ATP10A: variants seen among roughly 807,000 people sequenced by gnomAD.
ATP10A encodes the protein ATPase phospholipid transporting 10A (putative).
Under a neutral mutation model 147.8 loss-of-function variants are expected in ATP10A, and 111 were observed. That is an observed-to-expected ratio of 0.75 (90% CI 0.64 to 0.88). The LOEUF is 0.88. ATP10A is among the 40% of genes least tolerant of loss of function. The pLI is 0.00. For missense variants in ATP10A, 1,927 were observed against 1,959.0 expected, an observed-to-expected ratio of 0.98 and a Z score of 0.31; for synonymous variants, 875 against 841.6, an observed-to-expected ratio of 1.04 and a Z score of -0.69.
chr15:25,757,816 T>C (rs931938189), intron 2 of ATP10A, among the ~76,000 whole-genome samples: 2 of 149,220 alleles, frequency 1.3e-5, no homozygotes, highest in Admixed American at 6.7e-5. Context: ...CCTTTTTTGA[T>C]CACCTGCTCC....
chr15:25,714,154 A>C lies in ATP10A; in HGVS notation c.1864T>G (p.Cys622Gly), dbSNP rs767602604. 9 of 1,610,848 alleles carry C rather than the reference A, an allele frequency of 5.6e-6. No individual in the cohort carries two copies. The highest frequency in any genetic ancestry group is 7.6e-6 in the Non-Finnish European group (9 of 1,180,038). ...GCGGCCAGGCTCCCGATGCTGCTGC[A>C]GCCTGAGGTCAGGCAGCTGGGTGTG... ...RFTPSCLTSG[C>G]SSIGSLAANK... Residue 622 changes from cysteine to glycine, a missense_variant, in exon 10 of 21, where the codon TGC becomes GGC. Physicochemically the swap from Cys to Gly is radical, Grantham distance 159. Coordinates refer to ENST00000555815, the MANE Select transcript of ATP10A (RefSeq NM_024490.4).
At chr15:25,733,306 G>A (rs1220283362) in intron 3 of ATP10A, among the ~76,000 whole-genome samples, 2 of 152,128 alleles carry the variant, frequency 1.3e-5, no homozygotes, top group Non-Finnish European at 2.9e-5. Flanking sequence ...TCCCTGCCCT[G>A]GGCATCAGGA....
chr15:25,735,934 C>T, intron 3 of ATP10A, 122 bp downstream of exon 3: 1 of 919,158 alleles, frequency 1.1e-6, no homozygotes, highest in Non-Finnish European at 1.7e-6. Flanking sequence ...GCCACATTCC[C>T]AAACAGCTAC....
chr15:25,818,363 T>C lies in ATP10A; in HGVS notation c.450-37140A>G, dbSNP rs553361959. On this transcript the variant is annotated intron_variant, in intron 1 of 20. Transcript: ENST00000555815. ...CGAAAAATATATTATAAGCCAAATATACAAAAAAAGGTTAAAGAAAGGTAG... is the reference window on the plus strand; with the variant it reads ...CGAAAAATATATTATAAGCCAAATACACAAAAAAAGGTTAAAGAAAGGTAG... Among the ~76,000 whole-genome samples, 150 of 152,028 alleles carry C rather than the reference T, an allele frequency of 9.9e-4. 1 individual carries two copies. The highest frequency in any genetic ancestry group is 3.4e-3 in the Middle Eastern group (1 of 294).
intron 1 of ATP10A, among the ~76,000 whole-genome samples, chr15:25,825,043 A>C (rs979664338): frequency 3.9e-5 from 6 of 152,196 alleles, no homozygotes; most frequent in African/African-American, 1.4e-4. Flanking sequence ...AAACAAAACA[A>C]GAAACCAGCT....
intron 1 of ATP10A, among the ~76,000 whole-genome samples, chr15:25,835,926 G>A (rs1440933313): frequency 6.6e-6 from 1 of 152,114 alleles, no homozygotes; most frequent in African/African-American, 2.4e-5. Context: ...CCATTCTCCC[G>A]CCTCAGCCTC....
At chr15:25,776,670 A>C (rs575486532) in intron 2 of ATP10A, among the ~76,000 whole-genome samples, 2 of 152,286 alleles carry the variant, frequency 1.3e-5, no homozygotes, top group East Asian at 3.9e-4. Flanking sequence ...TGGGTGATTT[A>C]AGGTCCCGGA....
chr15:25,781,411 C>T (rs772776505), intron 1 of ATP10A, among the ~76,000 whole-genome samples, 188 bp from the exon 2 acceptor site: 28 of 152,096 alleles, frequency 1.8e-4, no homozygotes, highest in Non-Finnish European at 3.8e-4. Flanking sequence ...AATCCCAGCA[C>T]TTTGAGAGAC....
At chr15:25,766,341 G>T (rs1390623840) in intron 2 of ATP10A, among the ~76,000 whole-genome samples, 1 of 152,084 alleles carries the variant, frequency 6.6e-6, no homozygotes, top group Non-Finnish European at 1.5e-5. Flanking sequence ...GATGTTCTTG[G>T]ATTACAAGCT....
At chr15:25,707,478 C>A (rs1176447029) in intron 12 of ATP10A, among the ~76,000 whole-genome samples, 20 of 152,024 alleles carry the variant, frequency 1.3e-4, no homozygotes, top group African/African-American at 4.6e-4. Context: ...TAATAAATAC[C>A]TTCATTTATC....
At chr15:25,775,494 A>C (rs962005252) in intron 2 of ATP10A, among the ~76,000 whole-genome samples, 1 of 152,188 alleles carries the variant, frequency 6.6e-6, no homozygotes, top group Admixed American at 6.5e-5. Flanking sequence ...CTGACTGTGA[A>C]GGTACGTGTT....
downstream of ATP10A, among the ~76,000 whole-genome samples, chr15:25,675,521 C>T (rs1293209185): frequency 6.6e-6 from 1 of 152,026 alleles, no homozygotes; most frequent in African/African-American, 2.4e-5. Flanking sequence ...GTAACAGCAG[C>T]CACACCACTG....
intron 2 of ATP10A, among the ~76,000 whole-genome samples, chr15:25,751,039 C>T (rs1438117945): frequency 5.3e-5 from 8 of 151,946 alleles, no homozygotes. Flanking sequence ...AATTAAAAGG[C>T]AGACTCGTTT....
chr15:25,856,838 C>A (rs952142957), intron 1 of ATP10A, among the ~76,000 whole-genome samples: 2 of 152,094 alleles, frequency 1.3e-5, no homozygotes, highest in Admixed American at 6.6e-5. Context: ...ACCCTCCTAC[C>A]AATCCACAGG....
intron 2 of ATP10A, among the ~76,000 whole-genome samples, chr15:25,742,041 T>C (rs546174740): frequency 4.5e-4 from 69 of 152,356 alleles, no homozygotes; most frequent in African/African-American, 1.6e-3. Context: ...CAATGTAATC[T>C]ATAATAGCGG....
chr15:25,858,679 C>T (rs1893624008), intron 1 of ATP10A, among the ~76,000 whole-genome samples: 1 of 152,052 alleles, frequency 6.6e-6, no homozygotes. Context: ...AAGCAGAGAG[C>T]ACCTCCTGAC....
chr15:25,762,979 TG>T (rs1314857162), intron 2 of ATP10A, among the ~76,000 whole-genome samples: 3 of 152,210 alleles, frequency 2.0e-5, no homozygotes, highest in South Asian at 2.1e-4. Context: ...TAATTAACAA[TG>T]TGTTTTTTTC....
chr15:25,729,434 G>A (rs1384953563), intron 3 of ATP10A, among the ~76,000 whole-genome samples: 3 of 152,190 alleles, frequency 2.0e-5, no homozygotes, highest in African/African-American at 7.2e-5. Flanking sequence ...CTCTGATTCA[G>A]GCGTCTGCAT....
Position 25,713,711 on chromosome 15 carries a change from G to T in ATP10A, c.2307C>A (p.Asp769Glu). Reference sequence around the variant, plus strand: ...GCTGCAGGAGATCCATGACCACTGAGTCGGCCCCCTTGGTGTAGACGTTGA... The same window carrying T: ...GCTGCAGGAGATCCATGACCACTGATTCGGCCCCCTTGGTGTAGACGTTGA... ...DEINVYTKGA[D>E]SVVMDLLQPC... The change falls in exon 10 of 21, where the codon GAC becomes GAA. Residue 769 changes from aspartate to glutamate, a missense_variant. Transcript: ENST00000555815. The T allele has an allele frequency of 6.2e-7, 1 of 1,614,150 alleles. No homozygotes were observed. The highest frequency in any genetic ancestry group is 8.5e-7 in the Non-Finnish European group (1 of 1,180,034).
Sources: allele counts gnomAD v4.1 joint callset (sites outside exome capture counted in the v4.1 genomes callset), GRCh38; gene constraint gnomAD v4.1.1; transcripts MANE v1.5; gene names NCBI Gene and HGNC (gene_info 2026-07-23, HGNC 2026-07-21).